CTNNA3: variants seen among roughly 807,000 people sequenced by gnomAD.
The protein encoded by CTNNA3 is catenin alpha 3.
Under a neutral mutation model 95.7 loss-of-function variants are expected in CTNNA3, and 76 were observed. That is an observed-to-expected ratio of 0.79 (90% CI 0.66 to 0.96). The LOEUF is 0.96. Among genes scored for constraint, CTNNA3 ranks in the 40% least tolerant of loss-of-function variants. The pLI is 0.00. For missense variants in CTNNA3, 1,191 were observed against 1,089.8 expected (o/e 1.09, Z -1.31); for synonymous variants, 431 against 374.4 (o/e 1.15, Z -1.74).
At chr10:66,685,282 TAA>T (rs1362781163) in intron 9 of CTNNA3, among the ~76,000 whole-genome samples, 578 of 53,878 alleles carry the variant, frequency 0.011, 14 homozygotes, top group East Asian at 0.062. Context: ...TACGTATATA[TAA>T]GTATATATAT....
At chr10:66,541,460 C>T (rs1348226947) in intron 10 of CTNNA3, among the ~76,000 whole-genome samples, 1 of 152,076 alleles carries the variant, frequency 6.6e-6, no homozygotes, top group East Asian at 1.9e-4. Flanking sequence ...GAGCTACTTC[C>T]ATATATGATT....
intron 11 of CTNNA3, among the ~76,000 whole-genome samples, chr10:66,461,178 C>T (rs2093526745): frequency 6.6e-6 from 1 of 152,010 alleles, no homozygotes; most frequent in Non-Finnish European, 1.5e-5. Flanking sequence ...AGGATGTGCG[C>T]ATTTCCCCAG....
intron 17 of CTNNA3, among the ~76,000 whole-genome samples, chr10:65,932,224 C>T (rs1445083592): frequency 6.6e-6 from 1 of 152,114 alleles, no homozygotes; most frequent in East Asian, 1.9e-4. Flanking sequence ...GTCAGAAGGA[C>T]AGAACGTGAG....
chr10:67,691,509 A>G (rs1022684125), intron 1 of CTNNA3, among the ~76,000 whole-genome samples: 92 of 138,516 alleles, frequency 6.6e-4, no homozygotes, highest in Non-Finnish European at 1.3e-3. Context: ...CCGGCCGCCC[A>G]TCGTCTGAGA....
intron 10 of CTNNA3, among the ~76,000 whole-genome samples, chr10:66,558,713 A>G (rs995712448): frequency 6.6e-6 from 1 of 152,154 alleles, no homozygotes; most frequent in Non-Finnish European, 1.5e-5. Context: ...TGACAAATTC[A>G]TCAATGTTTA....
At chr10:66,711,258 C>CAAAAAAAAAAAAAAAA (rs56013857) in intron 9 of CTNNA3, among the ~76,000 whole-genome samples, 2 of 118,158 alleles carry the variant, frequency 1.7e-5, no homozygotes, top group Non-Finnish European at 3.4e-5. Context: ...GAACAAGAAA[C>CAAAAAAAAAAAAAAAA]AAAAAAAAAA....
chr10:66,675,434 A>T (rs1225223848), intron 9 of CTNNA3, among the ~76,000 whole-genome samples: 1 of 152,024 alleles, frequency 6.6e-6, no homozygotes, highest in African/African-American at 2.4e-5. Context: ...TATATTTTGG[A>T]TCTTGAAAAT....
intron 9 of CTNNA3, among the ~76,000 whole-genome samples, chr10:66,680,564 T>C (rs1473707722): frequency 1.3e-5 from 2 of 152,172 alleles, no homozygotes; most frequent in Non-Finnish European, 2.9e-5. Flanking sequence ...ACTTGGGATA[T>C]GGGATGTATT....
chr10:66,691,984 A>G lies in CTNNA3; in HGVS notation c.1282-70200T>C, dbSNP rs188449426. Among the ~76,000 whole-genome samples, 611 of 152,294 alleles carry G rather than the reference A, an allele frequency of 4.0e-3. 3 individuals carry two copies. Among genetic ancestry groups the G allele is most frequent in the Non-Finnish European group, 6.9e-3 (471 of 68,020 alleles). ...TGTACATCGCCATCATCAAAGACCA[A>G]AAGTAGATAAAACCACAAAGACAGG... On this transcript the variant is annotated intron_variant, in intron 9 of 17. Transcript: ENST00000433211.
intron 10 of CTNNA3, among the ~76,000 whole-genome samples, chr10:66,593,802 G>C (rs114590249): frequency 6.6e-6 from 1 of 152,048 alleles, no homozygotes; most frequent in East Asian, 1.9e-4. Context: ...CCACAATCTC[G>C]TGATTCTCTT....
chr10:67,127,033 T>G (rs1414836550), intron 7 of CTNNA3, among the ~76,000 whole-genome samples: 1 of 152,242 alleles, frequency 6.6e-6, no homozygotes. Context: ...ATTTTCTGCC[T>G]GACAACTCAA....
chr10:67,457,251 T>C (rs115135126), intron 5 of CTNNA3, among the ~76,000 whole-genome samples: 2 of 152,238 alleles, frequency 1.3e-5, no homozygotes, highest in African/African-American at 2.4e-5. Context: ...GAGCTGAAGA[T>C]GCTTTGCATA....
intron 9 of CTNNA3, among the ~76,000 whole-genome samples, chr10:66,649,139 C>A (rs1564593748): frequency 6.6e-6 from 1 of 152,042 alleles, no homozygotes; most frequent in Non-Finnish European, 1.5e-5. Flanking sequence ...AATGATTGAA[C>A]AATACTTGCA....
At chr10:65,973,533 G>A (rs1475581291) in intron 16 of CTNNA3, among the ~76,000 whole-genome samples, 1 of 152,040 alleles carries the variant, frequency 6.6e-6, no homozygotes, top group Non-Finnish European at 1.5e-5. Flanking sequence ...TGGGTAAATG[G>A]TACGAGTTAG....
At chr10:67,697,366 C>G (rs1423880752), upstream of CTNNA3, among the ~76,000 whole-genome samples, 2 of 152,134 alleles carry the variant, frequency 1.3e-5, no homozygotes, top group Non-Finnish European at 2.9e-5. Flanking sequence ...AAAGAAATCA[C>G]TTGACACTTG....
At chr10:66,680,571 T>C (rs1847033135) in intron 9 of CTNNA3, among the ~76,000 whole-genome samples, 1 of 152,174 alleles carries the variant, frequency 6.6e-6, no homozygotes, top group Non-Finnish European at 1.5e-5. Context: ...ATATGGGATG[T>C]ATTTTATCTC....
chr10:66,484,752 C>G (rs1295247102), intron 11 of CTNNA3, among the ~76,000 whole-genome samples: 1 of 151,868 alleles, frequency 6.6e-6, no homozygotes, highest in African/African-American at 2.4e-5. Context: ...ACCCACATAA[C>G]AAAGTCAGAA....
At chr10:67,268,353 T>TTAAA (rs933895123) in intron 5 of CTNNA3, among the ~76,000 whole-genome samples, 2 of 148,816 alleles carry the variant, frequency 1.3e-5, no homozygotes, top group Admixed American at 6.8e-5. Flanking sequence ...TTAAATTAAA[T>TTAAA]TAAATAAATA....
chr10:67,381,413 A>G (rs1843939936), intron 5 of CTNNA3, among the ~76,000 whole-genome samples: 1 of 152,152 alleles, frequency 6.6e-6, no homozygotes, highest in Non-Finnish European at 1.5e-5. Flanking sequence ...TGTGTTTCAT[A>G]TCAAGAACTA....
Sources: allele counts gnomAD v4.1 joint callset (sites outside exome capture counted in the v4.1 genomes callset), GRCh38; gene constraint gnomAD v4.1.1; transcripts MANE v1.5; gene names NCBI Gene and HGNC (gene_info 2026-07-23, HGNC 2026-07-21).